Variants in EXOC4 observed in about 807,000 individuals in gnomAD.
EXOC4 encodes exocyst complex component 4, also known as SEC8-like 1.
A neutral mutation model predicts 107.2 loss-of-function variants in EXOC4; 71 were observed. The ratio of observed to expected loss-of-function variants is 0.66; its 90% CI spans 0.55 to 0.81. The LOEUF (loss-of-function observed/expected upper bound fraction) is 0.81. Among genes scored for constraint, EXOC4 ranks in the 30% least tolerant of loss-of-function variants. EXOC4 has a pLI of 0.00. For missense variants in EXOC4, 1,108 were observed against 1,189.6 expected (o/e 0.93, Z 1.01); for synonymous variants, 456 against 441.2 (o/e 1.03, Z -0.42).
intron 10 of EXOC4, among the ~76,000 whole-genome samples, chr7:133,780,049 C>G (rs2551031): frequency 5.3e-5 from 8 of 152,260 alleles, no homozygotes; most frequent in Non-Finnish European, 1.2e-4. Context: ...GGTGTGCTGG[C>G]GATAAAAGCA....
At chr7:133,253,539 G>T in intron 1 of EXOC4, 1 of 1,010,790 alleles carries the variant, frequency 9.9e-7, no homozygotes, top group South Asian at 4.3e-5. Flanking sequence ...TTTGCCTGTA[G>T]CAGCACTCAC....
intron 2 of EXOC4, among the ~76,000 whole-genome samples, chr7:133,276,832 C>T (rs1794004761): frequency 6.6e-6 from 1 of 152,178 alleles, no homozygotes; most frequent in South Asian, 2.1e-4. Flanking sequence ...TAAGCAGATA[C>T]ATAAATTATG....
At chr7:133,385,155 C>T (rs1028441220) in intron 7 of EXOC4, among the ~76,000 whole-genome samples, 1 of 152,230 alleles carries the variant, frequency 6.6e-6, no homozygotes, top group African/African-American at 2.4e-5. Flanking sequence ...GTGAAGGCTG[C>T]AGGTCTTTTA....
intron 5 of EXOC4, among the ~76,000 whole-genome samples, chr7:133,350,204 T>C (rs1413623485): frequency 6.6e-6 from 1 of 152,116 alleles, no homozygotes; most frequent in Non-Finnish European, 1.5e-5. Flanking sequence ...TTTTTTCTTT[T>C]ATTGCTTGTG....
At chr7:133,426,124 A>C (rs1157319361) in intron 7 of EXOC4, among the ~76,000 whole-genome samples, 4 of 152,222 alleles carry the variant, frequency 2.6e-5, no homozygotes. Flanking sequence ...TTTTGTCTAC[A>C]GGAAGGAGAT....
At chr7:133,519,627 A>G (rs1799944415) in intron 9 of EXOC4, among the ~76,000 whole-genome samples, 1 of 152,140 alleles carries the variant, frequency 6.6e-6, no homozygotes, top group Admixed American at 6.6e-5. Flanking sequence ...CCAAAGAGGA[A>G]TCAATCCATA....
intron 14 of EXOC4, among the ~76,000 whole-genome samples, chr7:133,986,706 A>G (rs138348574): frequency 1.3e-5 from 2 of 152,220 alleles, no homozygotes; most frequent in African/African-American, 4.8e-5. Context: ...TGTACAAAGC[A>G]CTGGGGTAAG....
chr7:133,553,524 C>A lies in EXOC4; in HGVS notation c.1417+73386C>A, dbSNP rs546829270. On this transcript the variant is annotated intron_variant, in intron 9 of 17. Coordinates refer to ENST00000253861, the MANE Select transcript of EXOC4 (RefSeq NM_021807.4). ...CTGAGCTCTTTATGCTTGCCACCTA[C>A]GTGCCTGTGCATGTGCTGTTATTTC... Among the ~76,000 whole-genome samples the A allele has an allele frequency of 2.0e-5, 3 of 152,256 alleles. No homozygotes were observed. The East Asian group carries it at 5.8e-4, about 29-fold the overall frequency.
chr7:133,543,693 A>G (rs548644559), intron 9 of EXOC4, among the ~76,000 whole-genome samples: 2 of 148,796 alleles, frequency 1.3e-5, no homozygotes, highest in East Asian at 4.0e-4. Context: ...GTGTGAGATT[A>G]TAAAACGAAC....
intron 7 of EXOC4, among the ~76,000 whole-genome samples, chr7:133,472,067 T>G (rs1274320286): frequency 6.6e-6 from 1 of 152,186 alleles, no homozygotes; most frequent in Non-Finnish European, 1.5e-5. Context: ...AATGCCCACA[T>G]ATATTCAGGG....
At chr7:134,013,464 C>T (rs1794820642) in intron 17 of EXOC4, among the ~76,000 whole-genome samples, 1 of 152,142 alleles carries the variant, frequency 6.6e-6, no homozygotes, top group Non-Finnish European at 1.5e-5. Context: ...GTACTTTGAC[C>T]TCCTGGATGG....
At chr7:133,752,749 GA>G (rs1182426166) in intron 10 of EXOC4, among the ~76,000 whole-genome samples, 1 of 152,216 alleles carries the variant, frequency 6.6e-6, no homozygotes, top group Non-Finnish European at 1.5e-5. Context: ...GGTATGGAGA[GA>G]AGGCACAAGT....
chr7:133,968,470 G>T (rs1488964822), intron 14 of EXOC4, among the ~76,000 whole-genome samples: 1 of 152,162 alleles, frequency 6.6e-6, no homozygotes, highest in African/African-American at 2.4e-5. Flanking sequence ...TTTTGCAGTG[G>T]CTGGTACCAG....
At chr7:133,446,193 C>G (rs1160859836) in intron 7 of EXOC4, among the ~76,000 whole-genome samples, 1 of 152,138 alleles carries the variant, frequency 6.6e-6, no homozygotes, top group Non-Finnish European at 1.5e-5. Flanking sequence ...TCAGTATTCT[C>G]TGTGCTTGTA....
At position 133,955,883 on chromosome 7, in the gene EXOC4, G is replaced by T. The variant is rs535135392; in HGVS notation, c.2206+17814G>T. On this transcript the variant is annotated intron_variant, in intron 14 of 17. Transcript: ENST00000253861. ...TCAACTTTGCTCTGAGATCAGAGTG[G>T]GCACTGGGAGCAGGGAGAAGCCAGG... Among the ~76,000 whole-genome samples the T allele has an allele frequency of 5.3e-5, 8 of 152,358 alleles. No individual in the cohort carries two copies. The East Asian group carries it at 1.5e-3, about 29-fold the overall frequency.
intron 10 of EXOC4, among the ~76,000 whole-genome samples, chr7:133,665,335 T>G (rs770224609): frequency 5.3e-5 from 8 of 152,194 alleles, no homozygotes; most frequent in Non-Finnish European, 1.2e-4. Flanking sequence ...GGATCAAATG[T>G]GTACAAATAC....
chr7:133,506,168 A>G (rs556713069), intron 9 of EXOC4, among the ~76,000 whole-genome samples: 1 of 152,238 alleles, frequency 6.6e-6, no homozygotes, highest in Admixed American at 6.5e-5. Context: ...TACCTGAATA[A>G]ATTAGGGAGG....
intron 10 of EXOC4, among the ~76,000 whole-genome samples, chr7:133,776,925 G>A (rs149996387): frequency 3.3e-5 from 5 of 152,092 alleles, no homozygotes; most frequent in African/African-American, 9.6e-5. Context: ...TTAAAAATAC[G>A]AAACAAAGCT....
chr7:133,329,984 C>G lies in EXOC4; in HGVS notation c.763+12594C>G, dbSNP rs566722974. 6.6e-5 allele frequency among the ~76,000 whole-genome samples: 10 copies of G among 152,216 alleles called. No individual in the cohort carries two copies. The East Asian group carries it at 1.9e-3, about 30-fold the overall frequency. ...GATCTGTTGCTCTCTTCAGAGCCGT[C>G]AGGCAGGGACGTTTAAGTCTGCTGA... On this transcript the variant is annotated intron_variant, in intron 5 of 17. Transcript: ENST00000253861.
Sources: gnomAD v4.1 joint callset for allele counts (sites outside exome capture counted in the v4.1 genomes callset) on GRCh38, gnomAD v4.1.1 for gene constraint, MANE v1.5 for transcripts, NCBI Gene and HGNC (gene_info 2026-07-23, HGNC 2026-07-21) for gene names.